Variants in ACOXL observed in about 807,000 individuals in gnomAD.
The protein encoded by ACOXL is acyl-CoA oxidase like, also known as acyl-coenzyme A oxidase-like protein.
A neutral mutation model predicts 71.9 loss-of-function variants in ACOXL; 70 were observed. The observed-to-expected ratio is 0.97, with a 90% CI of 0.80 to 1.19. The LOEUF is 1.19. Among genes scored for constraint, ACOXL ranks in the 50% most tolerant of loss-of-function variants. The probability of loss-of-function intolerance (pLI) is 0.00; values close to 1 mark genes in which losing one functional copy is unlikely to be tolerated. For synonymous variants in ACOXL, 253 were observed against 281.6 expected, an observed-to-expected ratio of 0.90 and a Z score of 1.02; for missense variants, 703 against 736.3, an observed-to-expected ratio of 0.95 and a Z score of 0.52.
intron 10 of ACOXL, among the ~76,000 whole-genome samples, chr2:110,854,308 C>G (rs754571621): frequency 3.9e-5 from 6 of 152,134 alleles, no homozygotes; most frequent in Non-Finnish European, 8.8e-5. Flanking sequence ...CTGCCTGTAC[C>G]TCTTTGTGAT....
At chr2:110,937,044 A>C (rs972299479) in intron 12 of ACOXL, among the ~76,000 whole-genome samples, 4 of 152,054 alleles carry the variant, frequency 2.6e-5, no homozygotes, top group African/African-American at 9.7e-5. Flanking sequence ...ATGGGGTTTT[A>C]CCATGTTGGT....
chr2:110,901,202 A>G (rs984204889), intron 10 of ACOXL, among the ~76,000 whole-genome samples: 1 of 152,218 alleles, frequency 6.6e-6, no homozygotes, highest in Non-Finnish European at 1.5e-5. Context: ...TTGATCTGGC[A>G]TGAACTTTGA....
At chr2:110,828,417 A>T (rs2105597662) in intron 9 of ACOXL, among the ~76,000 whole-genome samples, 1 of 152,332 alleles carries the variant, frequency 6.6e-6, no homozygotes, top group Admixed American at 6.5e-5. Context: ...ATGACTCTTT[A>T]ATACATGTCG....
At chr2:111,080,008 A>C (rs181446218) in intron 16 of ACOXL, among the ~76,000 whole-genome samples, 1 of 152,154 alleles carries the variant, frequency 6.6e-6, no homozygotes, top group Non-Finnish European at 1.5e-5. Context: ...GTTTATTTGC[A>C]TAGAGGTGTT....
At chr2:111,092,651 C>G (rs1036545351) in intron 16 of ACOXL, among the ~76,000 whole-genome samples, 5 of 152,124 alleles carry the variant, frequency 3.3e-5, no homozygotes, top group Non-Finnish European at 7.4e-5. Context: ...ATTTGTTCTA[C>G]TTTTGTATAT....
At chr2:111,040,913 C>T (rs1254325072) in intron 15 of ACOXL, among the ~76,000 whole-genome samples, 6 of 152,090 alleles carry the variant, frequency 3.9e-5, no homozygotes, top group Admixed American at 6.5e-5. Flanking sequence ...TCAACTCCCA[C>T]TGTCAGTGGG....
chr2:111,003,692 A>G (rs766130081), intron 14 of ACOXL, among the ~76,000 whole-genome samples: 3 of 152,068 alleles, frequency 2.0e-5, no homozygotes, highest in Non-Finnish European at 4.4e-5. Context: ...TTAAGATAAA[A>G]TGTATTTTAA....
chr2:110,869,417 G>A (rs1694994661), intron 10 of ACOXL, among the ~76,000 whole-genome samples: 2 of 152,236 alleles, frequency 1.3e-5, no homozygotes, highest in African/African-American at 2.4e-5. Context: ...GCCTTGCTGA[G>A]TATGTAGTTT....
chr2:110,822,203 G>A (rs1405990424), intron 9 of ACOXL, among the ~76,000 whole-genome samples: 3 of 152,130 alleles, frequency 2.0e-5, no homozygotes, highest in African/African-American at 7.2e-5. Flanking sequence ...AAATATATGT[G>A]TGTAAAGCAA....
At position 110,811,170 on chromosome 2, in the gene ACOXL, A is replaced by G. The variant is rs1354630987; in HGVS notation, c.753+5775A>G. ...GGAATGTCCTAGAGAAAACCATTCG[A>G]CTACCTGATGGACACCACACTTCAC... On this transcript the variant is annotated intron_variant, in intron 9 of 17. Transcript: ENST00000439055. Among the ~76,000 whole-genome samples, 6 of 152,348 alleles carry G rather than the reference A, an allele frequency of 3.9e-5. No individual in the cohort carries two copies. The East Asian group carries it at 7.7e-4, about 20-fold the overall frequency.
At chr2:111,051,022 G>A (rs564597409) in intron 16 of ACOXL, among the ~76,000 whole-genome samples, 43 of 152,138 alleles carry the variant, frequency 2.8e-4, no homozygotes, top group African/African-American at 8.2e-4. Flanking sequence ...CTCCAGTGGC[G>A]TTCAGTATTT....
intron 10 of ACOXL, among the ~76,000 whole-genome samples, chr2:110,878,332 TAGTA>T (rs1477569998): frequency 2.6e-5 from 4 of 152,114 alleles, no homozygotes; most frequent in Non-Finnish European, 5.9e-5. Context: ...AAGAGAAACT[TAGTA>T]AGTGAGAAGC....
intron 12 of ACOXL, 25 bp downstream of exon 12, chr2:110,933,667 C>T (rs1244522596): frequency 2.8e-5 from 44 of 1,595,340 alleles, no homozygotes; most frequent in Non-Finnish European, 3.6e-5. Context: ...CTGCAGCCCC[C>T]GTGGGTCCCC....
At chr2:110,922,100 C>T (rs962923429) in intron 11 of ACOXL, among the ~76,000 whole-genome samples, 3 of 152,262 alleles carry the variant, frequency 2.0e-5, no homozygotes, top group Non-Finnish European at 2.9e-5. Context: ...TTTCTGCTTA[C>T]GTGTTTTATC....
At chr2:111,110,068 A>G (rs1396117411) in intron 17 of ACOXL, among the ~76,000 whole-genome samples, 1 of 152,180 alleles carries the variant, frequency 6.6e-6, no homozygotes, top group African/African-American at 2.4e-5. Context: ...TAAGTCGGCT[A>G]CTGATTGTGC....
intron 12 of ACOXL, among the ~76,000 whole-genome samples, chr2:110,960,945 G>A (rs2061680105): frequency 6.6e-6 from 1 of 152,204 alleles, no homozygotes; most frequent in Admixed American, 6.5e-5. Flanking sequence ...CCCAGGACAT[G>A]GATGCTGGGA....
At chr2:110,834,179 TAATAATC>T (rs1272152588) in intron 9 of ACOXL, among the ~76,000 whole-genome samples, 1 of 152,208 alleles carries the variant, frequency 6.6e-6, no homozygotes, top group Admixed American at 6.5e-5. Context: ...TCCTCTGACT[TAATAATC>T]AATAGTGGTA....
At chr2:110,754,485 C>T (rs1679415200) in intron 1 of ACOXL, among the ~76,000 whole-genome samples, 1 of 152,172 alleles carries the variant, frequency 6.6e-6, no homozygotes, top group Admixed American at 6.5e-5. Context: ...AATCAGAATC[C>T]CCATAGTCCT....
chr2:111,110,833 A>T (rs1489182838), intron 17 of ACOXL, among the ~76,000 whole-genome samples: 1 of 152,198 alleles, frequency 6.6e-6, no homozygotes, highest in Admixed American at 6.5e-5. Flanking sequence ...ATTCTCTTGA[A>T]TCTATCTACA....
Sources: allele counts gnomAD v4.1 joint callset (sites outside exome capture counted in the v4.1 genomes callset), GRCh38; gene constraint gnomAD v4.1.1; transcripts MANE v1.5; gene names NCBI Gene and HGNC (gene_info 2026-07-23, HGNC 2026-07-21).